The following GPC6 variants were observed in gnomAD, a reference collection of about 807,000 sequenced individuals.
GPC6 encodes glypican 6.
A neutral mutation model predicts 55.2 loss-of-function variants in GPC6; 14 were observed. The observed-to-expected ratio is 0.25, with a 90% CI of 0.17 to 0.40. The LOEUF is 0.40. GPC6 is among the 10% of genes least tolerant of loss of function. The probability of loss-of-function intolerance (pLI) is 1.00; values close to 1 mark genes in which losing one functional copy is unlikely to be tolerated. For missense variants in GPC6, 641 were observed against 708.5 expected (o/e 0.90, Z 1.08); for synonymous variants, 278 against 259.6 (o/e 1.07, Z -0.68).
intron 5 of GPC6, among the ~76,000 whole-genome samples, chr13:94,304,959 C>T (rs753575777): frequency 3.3e-5 from 5 of 152,142 alleles, no homozygotes; most frequent in Non-Finnish European, 7.4e-5. Context: ...TTTCATTACT[C>T]AAAGGGGAGT....
intron 1 of GPC6, among the ~76,000 whole-genome samples, chr13:93,528,948 G>C (rs1881758850): frequency 6.6e-6 from 1 of 152,018 alleles, no homozygotes; most frequent in Non-Finnish European, 1.5e-5. Flanking sequence ...CTATTTATGG[G>C]TTCATAACTA....
intron 5 of GPC6, among the ~76,000 whole-genome samples, chr13:94,305,531 T>C (rs1487139757): frequency 1.3e-5 from 2 of 152,154 alleles, no homozygotes; most frequent in African/African-American, 4.8e-5. Flanking sequence ...GTGAAAAACA[T>C]TGTACTACAT....
At chr13:93,292,505 TA>T (rs1878349473) in intron 1 of GPC6, among the ~76,000 whole-genome samples, 5 of 152,318 alleles carry the variant, frequency 3.3e-5, no homozygotes, top group Admixed American at 2.0e-4. Context: ...CTCTTATAAA[TA>T]TGCTCACAAA....
intron 4 of GPC6, among the ~76,000 whole-genome samples, chr13:94,135,362 T>A (rs1312238899): frequency 6.6e-6 from 1 of 152,124 alleles, no homozygotes; most frequent in Non-Finnish European, 1.5e-5. Context: ...CTGAAGGTAA[T>A]CTTGTTACTT....
intron 2 of GPC6, among the ~76,000 whole-genome samples, chr13:93,799,256 G>T (rs1386251326): frequency 6.6e-6 from 1 of 152,048 alleles, no homozygotes; most frequent in Non-Finnish European, 1.5e-5. Flanking sequence ...GTTGTGTTAG[G>T]TATTTGAAAA....
chr13:93,678,740 A>G (rs1881740219), intron 2 of GPC6, among the ~76,000 whole-genome samples: 1 of 152,182 alleles, frequency 6.6e-6, no homozygotes, highest in African/African-American at 2.4e-5. Context: ...GTGGTCTCTG[A>G]ATTATCACAT....
chr13:93,293,793 G>C (rs2139083803), intron 1 of GPC6, among the ~76,000 whole-genome samples: 1 of 151,964 alleles, frequency 6.6e-6, no homozygotes, highest in African/African-American at 2.4e-5. Context: ...CAGAGTTCTG[G>C]TGATGTATTC....
At chr13:94,045,207 T>C (rs1883688254) in intron 4 of GPC6, among the ~76,000 whole-genome samples, 1 of 151,848 alleles carries the variant, frequency 6.6e-6, no homozygotes, top group African/African-American at 2.4e-5. Flanking sequence ...ACAGCAATTA[T>C]GGAAAAGTAA....
intron 2 of GPC6, among the ~76,000 whole-genome samples, chr13:93,812,037 G>T (rs1053072074): frequency 2.6e-5 from 4 of 151,520 alleles, no homozygotes; most frequent in African/African-American, 9.7e-5. Context: ...CAGTGAAGTG[G>T]TGTTATATTT....
chr13:94,160,730 A>AACATAG (rs1299280913), intron 4 of GPC6, among the ~76,000 whole-genome samples: 2 of 152,336 alleles, frequency 1.3e-5, no homozygotes, highest in Non-Finnish European at 2.9e-5. Context: ...ACAAGTACTA[A>AACATAG]ACATAGCCCT....
chr13:93,489,187 A>G lies in GPC6; in HGVS notation c.161-56076A>G, dbSNP rs543593696. Among the ~76,000 whole-genome samples, 9 of 151,618 alleles carry G rather than the reference A, an allele frequency of 5.9e-5. No homozygotes were observed. The South Asian group carries it at 1.7e-3, about 28-fold the overall frequency. On this transcript the variant is annotated intron_variant, in intron 1 of 8. Transcript: ENST00000377047. ...AGGATCCAGTTTCAGCTTTCTACAT[A>G]TGGCTAGCCAGTTTTCCCAGTGACA...
intron 3 of GPC6, among the ~76,000 whole-genome samples, chr13:93,993,608 A>G (rs886166176): frequency 6.6e-6 from 1 of 151,990 alleles, no homozygotes; most frequent in Non-Finnish European, 1.5e-5. Flanking sequence ...TTATTTTTTC[A>G]AAATAAGCTA....
At chr13:93,983,298 C>T (rs948713152) in intron 3 of GPC6, among the ~76,000 whole-genome samples, 11 of 152,134 alleles carry the variant, frequency 7.2e-5, no homozygotes, top group African/African-American at 2.7e-4. Flanking sequence ...GAATGTTTTT[C>T]TCCTGATCAC....
chr13:94,357,833 G>A (rs1371436230), intron 6 of GPC6, among the ~76,000 whole-genome samples: 2 of 152,122 alleles, frequency 1.3e-5, no homozygotes, highest in Non-Finnish European at 2.9e-5. Context: ...TTGACATCAC[G>A]TTGTACTACT....
chr13:93,661,679 T>C (rs1281585410), intron 2 of GPC6, among the ~76,000 whole-genome samples: 2 of 152,184 alleles, frequency 1.3e-5, no homozygotes, highest in African/African-American at 4.8e-5. Context: ...TAAATGTCAA[T>C]GCTATCTCCG....
chr13:93,959,054 A>T (rs1229113134), intron 3 of GPC6, among the ~76,000 whole-genome samples: 1 of 152,178 alleles, frequency 6.6e-6, no homozygotes, highest in East Asian at 1.9e-4. Context: ...GAAATTATTT[A>T]TCAGTTCTAG....
chr13:93,796,781 T>G (rs528684468), intron 2 of GPC6, among the ~76,000 whole-genome samples: 67 of 152,312 alleles, frequency 4.4e-4, no homozygotes, highest in African/African-American at 1.5e-3. Context: ...CAACACGTAT[T>G]GGATTCTATG....
chr13:93,840,398 A>C (rs1057066462), intron 3 of GPC6, among the ~76,000 whole-genome samples: 1 of 152,174 alleles, frequency 6.6e-6, no homozygotes, highest in African/African-American at 2.4e-5. Flanking sequence ...AATCAGGAAG[A>C]ATTAGATACC....
chr13:93,455,734 C>A (rs9556294), intron 1 of GPC6, among the ~76,000 whole-genome samples: 43,527 of 151,892 alleles, frequency 0.29, 6,366 homozygotes, highest in East Asian at 0.35. Context: ...TAGTTGCTGG[C>A]CTAACAGGCA....
Sources: gnomAD v4.1 joint callset for allele counts (sites outside exome capture counted in the v4.1 genomes callset) on GRCh38, gnomAD v4.1.1 for gene constraint, MANE v1.5 for transcripts, NCBI Gene and HGNC (gene_info 2026-07-23, HGNC 2026-07-21) for gene names.